Variants in ACLY observed in about 807,000 individuals in gnomAD.
ACLY encodes the protein ATP-citrate synthase.
Under a neutral mutation model 133.0 loss-of-function variants are expected in ACLY, and 41 were observed. That is an observed-to-expected ratio of 0.31 (90% CI 0.24 to 0.40). The LOEUF (loss-of-function observed/expected upper bound fraction) is 0.40, where lower values mean the gene tolerates loss of function less well. ACLY is among the 10% of genes least tolerant of loss of function. The probability of loss-of-function intolerance (pLI) is 1.00; values close to 1 mark genes in which losing one functional copy is unlikely to be tolerated. For synonymous variants in ACLY, 495 were observed against 549.3 expected, an observed-to-expected ratio of 0.90 and a Z score of 1.38; for missense variants, 1,046 against 1,453.8, an observed-to-expected ratio of 0.72 and a Z score of 4.56.
Position 41,898,738 on chromosome 17 carries a change from T to C in ACLY, c.1231A>G (p.Met411Val). Residue 411 changes from methionine (M) to valine (V), a missense_variant, in exon 12 of 29, where the codon ATG becomes GTG. By Grantham distance (21) the Met-to-Val change is conservative. Coordinates refer to ENST00000352035, the MANE Select transcript of ACLY (RefSeq NM_001096.3). ...AGGGCCATGCCCACAATGGCCGTCATGTGAGTCTCTGTGCCAAAGACATGG... is the reference window on the plus strand; with the variant it reads ...AGGGCCATGCCCACAATGGCCGTCACGTGAGTCTCTGTGCCAAAGACATGG... ...PIHVFGTETH[M>V]TAIVGMALGH... 6.2e-7 allele frequency: 1 copy of C among 1,614,006 alleles called. No homozygotes were observed. The highest frequency in any genetic ancestry group is 8.5e-7 in the Non-Finnish European group (1 of 1,179,984).
intron 17 of ACLY, among the ~76,000 whole-genome samples, chr17:41,887,245 C>T (rs2049077638): frequency 6.6e-6 from 1 of 151,816 alleles, no homozygotes; most frequent in African/African-American, 2.4e-5. Flanking sequence ...TCGAGACCAG[C>T]CTGACCAACA....
chr17:41,868,610 A>AAAAAAAAAAAAAAAAAACAAAACC, intron 28 of ACLY, 99 bp downstream of exon 28: 1 of 735,878 alleles, frequency 1.4e-6, no homozygotes, highest in South Asian at 2.5e-5. Flanking sequence ...TAAAAAAAAA[A>AAAAAAAAAAAAAAAAAACAAAACC]AAAAAGAAAG....
intron 20 of ACLY, among the ~76,000 whole-genome samples, chr17:41,880,602 C>A (rs575997318): frequency 6.6e-6 from 1 of 152,110 alleles, no homozygotes. Flanking sequence ...CAGTGGTTCA[C>A]GCCTGTAATC....
At chr17:41,887,570 G>A (rs781896528) in intron 17 of ACLY, 29 bp downstream of exon 17, 16 of 1,596,128 alleles carry the variant, frequency 1.0e-5, no homozygotes, top group South Asian at 6.6e-5. Flanking sequence ...AGCATCGAAC[G>A]TAAAAGGCTT....
intron 22 of ACLY, among the ~76,000 whole-genome samples, chr17:41,876,259 CCCGGCCAGCCGCCCCGT>C (rs1187770101): frequency 6.6e-6 from 1 of 151,102 alleles, no homozygotes; most frequent in Admixed American, 6.6e-5. Context: ...CAGCCCCCCG[CCCGGCCAGCCGCCCCGT>C]CCGGGAGGGA....
chr17:41,928,822 CA>C (rs1339785815), intron 1 of ACLY, among the ~76,000 whole-genome samples: 1 of 145,670 alleles, frequency 6.9e-6, no homozygotes, highest in Non-Finnish European at 1.5e-5. Flanking sequence ...CACTGCACTC[CA>C]GCCTGAGTGA....
intron 18 of ACLY, among the ~76,000 whole-genome samples, chr17:41,885,128 C>T (rs1555627932): frequency 6.6e-6 from 1 of 152,194 alleles, no homozygotes; most frequent in African/African-American, 2.4e-5. Flanking sequence ...AATCCTCCTC[C>T]CTCAGCCCCC....
chr17:41,918,295 G>A (rs568118963), intron 1 of ACLY, among the ~76,000 whole-genome samples: 1 of 152,310 alleles, frequency 6.6e-6, no homozygotes, highest in East Asian at 1.9e-4. Context: ...GCGGCGAGAC[G>A]AGGCGAGGCC....
At chr17:41,911,504 A>G (rs2049899966) in intron 3 of ACLY, among the ~76,000 whole-genome samples, 1 of 152,244 alleles carries the variant, frequency 6.6e-6, no homozygotes, top group South Asian at 2.1e-4. Flanking sequence ...GTTGAAATTC[A>G]TCACCAAGCT....
At chr17:41,910,582 A>C (rs2049872995) in intron 3 of ACLY, among the ~76,000 whole-genome samples, 1 of 152,196 alleles carries the variant, frequency 6.6e-6, no homozygotes, top group East Asian at 1.9e-4. Flanking sequence ...CCAACAAGTC[A>C]CGGCTGTGGC....
intron 2 of ACLY, among the ~76,000 whole-genome samples, 192 bp downstream of exon 2, chr17:41,913,523 C>G (rs1412450446): frequency 6.6e-6 from 1 of 152,228 alleles, no homozygotes; most frequent in African/African-American, 2.4e-5. Flanking sequence ...GCAGGGTATA[C>G]CATGCTGGGG....
chr17:41,883,130 A>T lies in ACLY; in HGVS notation c.2257T>A (p.Ser753Thr), dbSNP rs1555627640. The T allele has an allele frequency of 6.2e-7, 1 of 1,613,754 alleles. No homozygotes were observed. The highest frequency in any genetic ancestry group is 2.2e-5 in the East Asian group (1 of 44,870). ...WCIGTCATMF[S>T]SEVQFGHAGA... ...ACCCATCTCAGCCATACCTCAGAGGAGAACATGGTGGCACACGTCCCGATG... is the reference window on the plus strand; with the variant it reads ...ACCCATCTCAGCCATACCTCAGAGGTGAACATGGTGGCACACGTCCCGATG... Residue 753 changes from serine to threonine, a missense_variant, in exon 20 of 29, where the codon TCC becomes ACC. Ser to Thr is a moderately conservative substitution (Grantham distance 58, BLOSUM62 1). This residue lies in a region of ACLY where 575 missense variants were observed against 804.2 expected (regional missense o/e 0.71). Transcript: ENST00000352035.
chr17:41,873,675 C>A (rs1209288591), intron 23 of ACLY, 136 bp downstream of exon 23: 2 of 1,070,096 alleles, frequency 1.9e-6, no homozygotes, highest in Non-Finnish European at 2.5e-6. Context: ...CTTCCTCTGG[C>A]CGCTCAATTG....
At position 41,867,406 on chromosome 17, in the gene ACLY, A is replaced by AG. The variant is rs2048494730; in HGVS notation, c.*403dup. On this transcript the variant is annotated 3_prime_UTR_variant, in exon 29 of 29. Coordinates refer to ENST00000352035, the MANE Select transcript of ACLY (RefSeq NM_001096.3). ...AGACATTGGGGTGCTTTAAATGTAT[A>AG]GTATCTTGAGGCCATAAATGTTTCA... 6.5e-6 allele frequency: 1 copy of AG among 154,016 alleles called. No homozygotes were observed. Among genetic ancestry groups the AG allele is most frequent in the Non-Finnish European group, 1.4e-5 (1 of 69,096 alleles). The allele number at this position is 154,016 out of a possible 1,614,324, so 9.5% of individuals were successfully genotyped here.
At position 41,883,315 on chromosome 17, in the gene ACLY, C is replaced by A; in HGVS notation, c.2155-83G>T. 6 of 1,151,082 alleles carry A rather than the reference C, an allele frequency of 5.2e-6. 1 individual carries two copies. The South Asian group carries it at 6.5e-5, about 12-fold the overall frequency. The allele number at this position is 1,151,082 out of a possible 1,614,324, so 71.3% of individuals were successfully genotyped here. On this transcript the variant is annotated intron_variant, in intron 19 of 28. Transcript: ENST00000352035. ...AAACTGGATAGAAAATGGAGTGACA[C>A]GGGCTTTGGCCAAATAAAAGGAGTT...
At chr17:41,877,656 T>C (rs1555626413) in intron 22 of ACLY, among the ~76,000 whole-genome samples, 1 of 152,128 alleles carries the variant, frequency 6.6e-6, no homozygotes, top group Non-Finnish European at 1.5e-5. Flanking sequence ...AAAGAGATTA[T>C]CATTTGAGTC....
rs2049442244 is a variant in ACLY at position 41,898,754 on chromosome 17, A to G, written c.1215T>C (p.Phe405=). The G allele has an allele frequency of 6.2e-7, 1 of 1,613,980 alleles. No individual in the cohort carries two copies. Among genetic ancestry groups the G allele is most frequent in the Admixed American group, 1.7e-5 (1 of 59,992 alleles). The stretch of plus-strand genomic sequence containing the variant: ...TGGCCGTCATGTGAGTCTCTGTGCC[A>G]AAGACATGGATGGGGATCCCAGTGG... ...GKTTGIPIHV[F]GTETHMTAIV... is the part of the protein sequence containing the mutation. Residue 405 remains phenylalanine (F), a synonymous_variant, in exon 12 of 29, where the codon TTT becomes TTC. Coordinates refer to ENST00000352035, the MANE Select transcript of ACLY (RefSeq NM_001096.3).
chr17:41,929,094 CT>C (rs111865267), intron 1 of ACLY, among the ~76,000 whole-genome samples: 1,895 of 133,530 alleles, frequency 0.014, 17 homozygotes, highest in Non-Finnish European at 0.018. Context: ...ATGTTATTTC[CT>C]TTTTTTTTTT....
intron 16 of ACLY, among the ~76,000 whole-genome samples, chr17:41,891,516 C>A (rs1001999569): frequency 6.6e-5 from 10 of 151,952 alleles, no homozygotes; most frequent in Non-Finnish European, 1.0e-4. Context: ...GATCATCCTA[C>A]CTCAGCCAGC....
Sources: allele counts gnomAD v4.1 joint callset (sites outside exome capture counted in the v4.1 genomes callset), GRCh38; gene constraint gnomAD v4.1.1; regional missense constraint gnomAD v4.1.1; transcripts MANE v1.5; gene names NCBI Gene and HGNC (gene_info 2026-07-23, HGNC 2026-07-21).